EML6: variants seen among roughly 807,000 people sequenced by gnomAD.
EML6 encodes the protein EMAP like 6.
A neutral mutation model predicts 240.1 loss-of-function variants in EML6; 154 were observed. That is an observed-to-expected ratio of 0.64 (90% CI 0.56 to 0.73). EML6 has a LOEUF of 0.73. Ranked by LOEUF, EML6 falls within the 30% of genes least tolerant of loss-of-function variation. The pLI is 0.00. For synonymous variants in EML6, 1,148 were observed against 899.0 expected (o/e 1.28, Z -4.95); for missense variants, 2,964 against 2,474.6 (o/e 1.20, Z -4.20).
At chr2:54,769,127 C>G (rs1668307399) in intron 2 of EML6, among the ~76,000 whole-genome samples, 1 of 152,168 alleles carries the variant, frequency 6.6e-6, no homozygotes, top group Admixed American at 6.5e-5. Flanking sequence ...TCTGACAGGA[C>G]ATTTAAAATA....
chr2:54,808,884 A>T (rs1670640632), intron 2 of EML6, among the ~76,000 whole-genome samples: 1 of 152,180 alleles, frequency 6.6e-6, no homozygotes, highest in South Asian at 2.1e-4. Context: ...CTTCTCCCAG[A>T]TAGGTTGATG....
At chr2:54,836,534 GC>G (rs896952558) in intron 7 of EML6, among the ~76,000 whole-genome samples, 4 of 152,190 alleles carry the variant, frequency 2.6e-5, no homozygotes, top group African/African-American at 9.7e-5. Context: ...ATGACCTGCA[GC>G]CCCAGCCCTG....
intron 2 of EML6, among the ~76,000 whole-genome samples, chr2:54,809,092 G>A (rs974120603): frequency 2.0e-5 from 3 of 152,202 alleles, no homozygotes; most frequent in African/African-American, 7.2e-5. Context: ...TGTAGGTGTG[G>A]AATGAGACTT....
At chr2:54,832,365 C>T (rs879063232) in intron 7 of EML6, among the ~76,000 whole-genome samples, 5 of 152,186 alleles carry the variant, frequency 3.3e-5, no homozygotes, top group Admixed American at 2.0e-4. Flanking sequence ...TGTTGAGTTC[C>T]AGAGCCACCT....
intron 35 of EML6, 31 bp downstream of exon 35, chr2:54,960,365 G>A (rs1260242720): frequency 1.4e-6 from 2 of 1,473,000 alleles, no homozygotes; most frequent in Non-Finnish European, 1.9e-6. Flanking sequence ...TGGGGGCTGG[G>A]CCAGGGAAGG....
At chr2:54,862,412 G>A (rs1670727051) in intron 12 of EML6, among the ~76,000 whole-genome samples, 1 of 147,328 alleles carries the variant, frequency 6.8e-6, no homozygotes, top group Admixed American at 6.8e-5. Flanking sequence ...TCAATAGAGA[G>A]GTTCAACAGC....
At chr2:54,929,548 C>T (rs565599263) in intron 28 of EML6, among the ~76,000 whole-genome samples, 5 of 152,162 alleles carry the variant, frequency 3.3e-5, no homozygotes, top group East Asian at 1.9e-4. Flanking sequence ...GAGGTAGGCT[C>T]GATGTTGACA....
chr2:54,962,753 C>T (rs1220546284), intron 36 of EML6, 42 bp downstream of exon 36: 1 of 1,420,020 alleles, frequency 7.0e-7, no homozygotes, highest in East Asian at 2.7e-5. Context: ...CACGAGTGGG[C>T]TGCGCGGCAG....
At position 54,957,851 on chromosome 2, in the gene EML6, C is replaced by T. The variant is rs558067112; in HGVS notation, c.4548C>T (p.Pro1516=). ...LERIFVVEFR[P]DSDTQFVSVG... ...GCATATTTGTGGTGGAATTTCGCCCCGACTCAGACACGCAGTTTGTATCTG... is the reference window on the plus strand; with the variant it reads ...GCATATTTGTGGTGGAATTTCGCCCTGACTCAGACACGCAGTTTGTATCTG... The change falls in exon 33 of 42, where the codon CCC becomes CCT. Residue 1516 remains proline, a synonymous_variant. Transcript: ENST00000356458. 209 of 1,550,904 alleles carry T rather than the reference C, an allele frequency of 1.3e-4. No homozygotes were observed. In the South Asian group the frequency reaches 1.9e-3, roughly 14 times the overall value.
At chr2:54,969,821 G>A (rs1027127844) in intron 41 of EML6, among the ~76,000 whole-genome samples, 2 of 152,088 alleles carry the variant, frequency 1.3e-5, no homozygotes, top group African/African-American at 4.8e-5. Context: ...AGTCCTCACG[G>A]ACCAACATTT....
In EML6 at chr2:54,916,923, A is replaced by G. The variant is rs577158067; in HGVS notation, c.3663A>G (p.Ser1221=). ...GDDFGFVKLF[S]YPVKGQHARF... is the part of the protein sequence containing the mutation. The stretch of plus-strand genomic sequence containing the variant: ...ATTTTGGTTTCGTTAAGCTTTTTTC[A>G]TATCCTGTCAAGGTAATATTGCGTG... The change falls in exon 26 of 42, where the codon TCA becomes TCG. Residue 1221 remains serine (S), a synonymous_variant. Coordinates refer to ENST00000356458, the MANE Select transcript of EML6 (RefSeq NM_001039753.4). The G allele has an allele frequency of 9.7e-6, 15 of 1,542,120 alleles. No individual in the cohort carries two copies. The East Asian group carries it at 1.5e-4, about 15-fold the overall frequency.
At chr2:54,916,181 T>C (rs1673899782) in intron 25 of EML6, among the ~76,000 whole-genome samples, 1 of 152,260 alleles carries the variant, frequency 6.6e-6, no homozygotes, top group South Asian at 2.1e-4. Context: ...GAAGCAGTCA[T>C]GTTTTTTAAA....
intron 21 of EML6, among the ~76,000 whole-genome samples, chr2:54,898,809 T>G (rs1672904555): frequency 6.6e-6 from 1 of 152,242 alleles, no homozygotes; most frequent in African/African-American, 2.4e-5. Flanking sequence ...CTGGTCTGTT[T>G]TATTGCTCTG....
intron 2 of EML6, among the ~76,000 whole-genome samples, chr2:54,766,844 TA>T (rs904326441): frequency 6.6e-5 from 10 of 152,154 alleles, no homozygotes; most frequent in African/African-American, 2.4e-4. Context: ...GCTTCAGAAT[TA>T]TCTCCTAATT....
chr2:54,961,184 G>GTTGTTTTTTTTTGTTTTTTTTTTTTT, intron 35 of EML6, among the ~76,000 whole-genome samples: 1 of 55,424 alleles, frequency 1.8e-5, no homozygotes, highest in African/African-American at 8.1e-5. Context: ...TCAGGAAGTA[G>GTTGTTTTTTTTTGTTTTTTTTTTTTT]TTTTTTTTTT....
At chr2:54,852,047 CACA>C (rs1670119634) in intron 10 of EML6, among the ~76,000 whole-genome samples, 1 of 152,182 alleles carries the variant, frequency 6.6e-6, no homozygotes, top group Non-Finnish European at 1.5e-5. Flanking sequence ...AGAACTCCAA[CACA>C]ACATTTCAAG....
intron 7 of EML6, among the ~76,000 whole-genome samples, chr2:54,843,182 T>C (rs1669553435): frequency 6.6e-6 from 1 of 152,204 alleles, no homozygotes; most frequent in African/African-American, 2.4e-5. Context: ...TATCATCTTA[T>C]ATTTACTTGA....
chr2:54,733,716 A>G (rs1490042224), intron 2 of EML6, among the ~76,000 whole-genome samples: 2 of 152,288 alleles, frequency 1.3e-5, no homozygotes, highest in South Asian at 2.1e-4. Context: ...TACCAACTGA[A>G]TCAATCTTTT....
chr2:54,949,913 G>T (rs1273364894), intron 29 of EML6, among the ~76,000 whole-genome samples: 1 of 152,188 alleles, frequency 6.6e-6, no homozygotes, highest in African/African-American at 2.4e-5. Context: ...GTCTTTCCAA[G>T]ACCTTCTCCA....
Sources: gnomAD v4.1 joint callset for allele counts (sites outside exome capture counted in the v4.1 genomes callset) on GRCh38, gnomAD v4.1.1 for gene constraint, MANE v1.5 for transcripts, NCBI Gene and HGNC (gene_info 2026-07-23, HGNC 2026-07-21) for gene names.